The following SMCHD1 variants were observed in gnomAD, a reference collection of about 807,000 sequenced individuals.
SMCHD1 encodes structural maintenance of chromosomes flexible hinge domain-containing protein 1.
In SMCHD1, 78 loss-of-function variants were observed where a neutral mutation model predicts 254.7. The ratio of observed to expected loss-of-function variants is 0.31; its 90% CI spans 0.26 to 0.37. The LOEUF (loss-of-function observed/expected upper bound fraction) is 0.37, where lower values mean the gene tolerates loss of function less well. SMCHD1 is among the 10% of genes least tolerant of loss of function. SMCHD1 has a pLI of 1.00. For synonymous variants in SMCHD1, 766 were observed against 794.9 expected (o/e 0.96, Z 0.61); for missense variants, 1,840 against 2,408.1 (o/e 0.76, Z 4.94).
Position 2,655,763 on chromosome 18 carries a change from T to G in SMCHD1, c.-313T>G. Reference sequence around the variant, plus strand: ...GCGGCGCTGGTCGCGGGTCGCACCGTGAGGCTCGCGTGGGCGGCGATAGGC... The same window carrying G: ...GCGGCGCTGGTCGCGGGTCGCACCGGGAGGCTCGCGTGGGCGGCGATAGGC... On this transcript the variant is annotated 5_prime_UTR_variant, in exon 1 of 48. Transcript: ENST00000320876. 1.8e-5 allele frequency: 4 copies of G among 219,494 alleles called. No individual in the cohort carries two copies. Among genetic ancestry groups the G allele is most frequent in the Non-Finnish European group, 2.7e-5 (3 of 112,762 alleles). 13.6% of individuals were successfully genotyped at this position (219,494 alleles called of 1,614,324 possible). A position where few individuals can be genotyped will look rare whatever the true frequency, so the allele number is the denominator to read the frequency against.
rs1464040853 is a variant in SMCHD1 at position 2,689,268 on chromosome 18, A to AG, written c.873+522dup. On this transcript the variant is annotated intron_variant, in intron 7 of 47. Coordinates refer to ENST00000320876, the MANE Select transcript of SMCHD1 (RefSeq NM_015295.3). Reference sequence around the variant, plus strand: ...AGTCTCACTCTGTCTCCTGGGCTGGAGTGCAGTGGCGCAACCTCAGCTCGC... The same window carrying AG: ...AGTCTCACTCTGTCTCCTGGGCTGGAGGTGCAGTGGCGCAACCTCAGCTCGC... Among the ~76,000 whole-genome samples, 4 of 133,372 alleles carry AG rather than the reference A, an allele frequency of 3.0e-5. No homozygotes were observed. In the East Asian group the frequency reaches 9.0e-4, roughly 30 times the overall value. The allele number at this position is 133,372 out of a possible 152,430, so 87.5% of individuals were successfully genotyped here. A position where few individuals can be genotyped will look rare whatever the true frequency, so the allele number is the denominator to read the frequency against.
At position 2,740,809 on chromosome 18, in the gene SMCHD1, A is replaced by C; in HGVS notation, c.3621A>C (p.Lys1207Asn). The C allele has an allele frequency of 6.3e-7, 1 of 1,598,672 alleles. No individual in the cohort carries two copies. Among genetic ancestry groups the C allele is most frequent in the Non-Finnish European group, 8.6e-7 (1 of 1,168,400 alleles). Residue 1207 changes from lysine (K) to asparagine (N), a missense_variant, in exon 28 of 48, where the codon AAA becomes AAC. Physicochemically the swap from Lys to Asn is moderately conservative, Grantham distance 94. Around this residue, in one of 9 missense-constraint regions of SMCHD1, gnomAD observed 881 missense variants for 1,009.5 expected, o/e 0.87. Coordinates refer to ENST00000320876, the MANE Select transcript of SMCHD1 (RefSeq NM_015295.3). ...AGVGLDSSNL[K>N]TTFQENTQSI... ...TTGGACTTGATAGCTCAAATTTGAA[A>C]ACAACCTTTCAGGTATGGCTACTTT...
At position 2,748,380 on chromosome 18, in the gene SMCHD1, G is replaced by GTGTGTGTATATA. The variant is rs561439889; in HGVS notation, c.3927+736_3927+737insGTGTATATATGT. Among the ~76,000 whole-genome samples, 137 of 80,238 alleles carry GTGTGTGTATATA rather than the reference G, an allele frequency of 1.7e-3. 4 individuals are homozygous for GTGTGTGTATATA. Among genetic ancestry groups the GTGTGTGTATATA allele is most frequent in the East Asian group, 0.012 (29 of 2,368 alleles). 52.6% of individuals were successfully genotyped at this position (80,238 alleles called of 152,430 possible). ...TGTGTGTGTGTGTGTGTGTGTGTGT[G>GTGTGTGTATATA]TGTATATAAATTTTTTTTTTTTTTT... On this transcript the variant is annotated intron_variant, in intron 30 of 47. Coordinates refer to ENST00000320876, the MANE Select transcript of SMCHD1 (RefSeq NM_015295.3).
intron 44 of SMCHD1, among the ~76,000 whole-genome samples, chr18:2,783,304 T>G (rs1392672558): frequency 6.6e-6 from 1 of 152,204 alleles, no homozygotes; most frequent in Non-Finnish European, 1.5e-5. Context: ...TTTTTAACAC[T>G]TGTCCCATTT....
rs11080986 is a variant in SMCHD1 at position 2,738,114 on chromosome 18, C to T, written c.3277-283C>T. Among the ~76,000 whole-genome samples, 45,466 of 151,884 alleles carry T rather than the reference C, an allele frequency of 0.3. 7,014 individuals are homozygous for T. Among genetic ancestry groups the T allele is most frequent in the East Asian group, 0.5 (2,582 of 5,176 alleles). On this transcript the variant is annotated intron_variant, in intron 25 of 47. Transcript: ENST00000320876. The stretch of plus-strand genomic sequence containing the variant: ...ATCTGATTTATATGTTACTTTTAAA[C>T]GATAATGGCCACAGTGATACTTTTG...
intron 7 of SMCHD1, among the ~76,000 whole-genome samples, chr18:2,690,850 A>G (rs1454080547): frequency 6.6e-6 from 1 of 151,896 alleles, no homozygotes; most frequent in African/African-American, 2.4e-5. Flanking sequence ...GGTTAAACCC[A>G]AAGTCACATA....
In SMCHD1 at chr18:2,794,279, G is replaced by A. The variant is rs77583248; in HGVS notation, c.5720-1670G>A. On this transcript the variant is annotated intron_variant, in intron 45 of 47. Coordinates refer to ENST00000320876, the MANE Select transcript of SMCHD1 (RefSeq NM_015295.3). ...AGACCAGCCTGGGCTCAAGCAGTCC[G>A]CTCACCTTGGCCTCCCAAAGGTCGA... Among the ~76,000 whole-genome samples, 1,420 of 152,078 alleles carry A rather than the reference G, an allele frequency of 9.3e-3. 15 individuals are homozygous for A. Among genetic ancestry groups the A allele is most frequent in the African/African-American group, 0.032 (1,344 of 41,434 alleles).
intron 3 of SMCHD1, among the ~76,000 whole-genome samples, chr18:2,671,169 C>A (rs560141452): frequency 9.6e-4 from 146 of 152,114 alleles, no homozygotes; most frequent in South Asian, 1.9e-3. Context: ...CCCCTGACTT[C>A]AGGCGATCTG....
At chr18:2,676,324 A>AAATG (rs1290489922) in intron 5 of SMCHD1, among the ~76,000 whole-genome samples, 1 of 152,222 alleles carries the variant, frequency 6.6e-6, no homozygotes, top group East Asian at 1.9e-4. Flanking sequence ...GCTAGAAAAA[A>AAATG]AATGTAGAAT....
At chr18:2,747,901 A>T (rs1003822719) in intron 30 of SMCHD1, among the ~76,000 whole-genome samples, 12 of 152,194 alleles carry the variant, frequency 7.9e-5, no homozygotes, top group African/African-American at 2.7e-4. Flanking sequence ...AGTGCTAGTA[A>T]GACTTGCATT....
At chr18:2,765,046 C>A (rs2075844212) in intron 37 of SMCHD1, among the ~76,000 whole-genome samples, 2 of 152,152 alleles carry the variant, frequency 1.3e-5, no homozygotes, top group Non-Finnish European at 2.9e-5. Flanking sequence ...AACCAAGTAT[C>A]TGATTAAAAA....
chr18:2,714,420 C>T (rs894622443), intron 17 of SMCHD1, among the ~76,000 whole-genome samples: 1 of 151,912 alleles, frequency 6.6e-6, no homozygotes, highest in African/African-American at 2.4e-5. Context: ...TTTAAAAAAT[C>T]CATTACTGTC....
At chr18:2,792,371 G>A (rs868664326) in intron 45 of SMCHD1, among the ~76,000 whole-genome samples, 1 of 152,326 alleles carries the variant, frequency 6.6e-6, no homozygotes, top group South Asian at 2.1e-4. Flanking sequence ...TATACCCTAG[G>A]AGCATTGTAG....
chr18:2,698,050 A>T lies in SMCHD1; in HGVS notation c.1342+9A>T. ...TCCATGCTTTCCATCAAGTATGTTAATCTGTTATCTTAGTTATAAAATATG... is the reference window on the plus strand; with the variant it reads ...TCCATGCTTTCCATCAAGTATGTTATTCTGTTATCTTAGTTATAAAATATG... On this transcript the variant is annotated intron_variant, in intron 10 of 47. Coordinates refer to ENST00000320876, the MANE Select transcript of SMCHD1 (RefSeq NM_015295.3). 1 of 1,583,748 alleles carries T rather than the reference A, an allele frequency of 6.3e-7. No homozygotes were observed. The highest frequency in any genetic ancestry group is 8.7e-7 in the Non-Finnish European group (1 of 1,154,558).
intron 17 of SMCHD1, 101 bp downstream of exon 17, chr18:2,708,021 G>GT: frequency 1.3e-5 from 8 of 630,674 alleles, no homozygotes; most frequent in Non-Finnish European, 1.5e-5. Flanking sequence ...AATCTGATAG[G>GT]CATAGCAAAT....
chr18:2,708,765 GCCAC>G (rs2074580621), intron 17 of SMCHD1, among the ~76,000 whole-genome samples: 1 of 149,346 alleles, frequency 6.7e-6, no homozygotes, highest in African/African-American at 2.5e-5. Flanking sequence ...ACAGGCACAT[GCCAC>G]CACTCCCAGC....
intron 7 of SMCHD1, among the ~76,000 whole-genome samples, chr18:2,692,711 CTG>C: frequency 6.6e-6 from 1 of 152,300 alleles, no homozygotes; most frequent in South Asian, 2.1e-4. Flanking sequence ...ATTCAGTCAT[CTG>C]CTGGGTGACT....
intron 10 of SMCHD1, among the ~76,000 whole-genome samples, chr18:2,698,560 G>A (rs477932): frequency 0.64 from 96,717 of 151,906 alleles, 33,036 homozygotes; most frequent in East Asian, 0.92. Flanking sequence ...GAGTGATGGG[G>A]TCTTGCCGTG....
chr18:2,706,391 A>C lies in SMCHD1; in HGVS notation c.1984A>C (p.Arg662=). The change falls in exon 15 of 48, where the codon AGA becomes CGA. Residue 662 remains arginine, a synonymous_variant. Transcript: ENST00000320876. The part of the protein sequence containing the change: ...MEPQALYDEV[R]TVPIAKLDRT... ...ACCTCAGGCACTATATGATGAAGTA[A>C]GAACTGTGCCAATTGCAAAGCTGGA... is the stretch of plus-strand genomic sequence containing the variant. 2 of 1,588,878 alleles carry C rather than the reference A, an allele frequency of 1.3e-6. No homozygotes were observed. Among genetic ancestry groups the C allele is most frequent in the Non-Finnish European group, 1.7e-6 (2 of 1,166,828 alleles).
Sources: gnomAD v4.1 joint callset for allele counts (sites outside exome capture counted in the v4.1 genomes callset) on GRCh38, gnomAD v4.1.1 for gene constraint, gnomAD v4.1.1 regional missense constraint, MANE v1.5 for transcripts, NCBI Gene and HGNC (gene_info 2026-07-23, HGNC 2026-07-21) for gene names.